Variants in ESYT3 observed in about 807,000 individuals in gnomAD.
ESYT3 encodes the protein extended synaptotagmin-3.
Under a neutral mutation model 111.5 loss-of-function variants are expected in ESYT3, and 101 were observed. The observed-to-expected ratio is 0.91, with a 90% confidence interval of 0.77 to 1.07. ESYT3 has a LOEUF of 1.07. ESYT3 is among the 50% of genes least tolerant of loss of function. The probability of loss-of-function intolerance (pLI) is 0.00; values close to 1 mark genes in which losing one functional copy is unlikely to be tolerated. For synonymous variants in ESYT3, 416 were observed against 446.8 expected (o/e 0.93, Z 0.87); for missense variants, 1,097 against 1,109.4 (o/e 0.99, Z 0.16).
intron 3 of ESYT3, among the ~76,000 whole-genome samples, chr3:138,457,093 C>T (rs991802706): frequency 4.6e-5 from 7 of 152,198 alleles, no homozygotes; most frequent in Non-Finnish European, 4.4e-5. Flanking sequence ...ACCTAGTGCG[C>T]TCACCACACC....
rs548280363 is a variant in ESYT3 at position 138,460,555 on chromosome 3, C to G, written c.739-56C>G. The G allele has an allele frequency of 2.0e-5, 31 of 1,580,858 alleles. No individual in the cohort carries two copies. The African/African-American group carries it at 3.0e-4, about 15-fold the overall frequency. ...GGTGTGAGGCTCTTGGCAGGGGGTT[C>G]TCAGCCCTGGGCTCCCAACCCTTTC... On this transcript the variant is annotated intron_variant, in intron 6 of 22. Coordinates refer to ENST00000389567, the MANE Select transcript of ESYT3 (RefSeq NM_031913.5).
rs1369225884 is a variant in ESYT3, at chr3:138,468,606, T to C, written c.1309-49T>C. ...AGTAGGCTTCTCCAAAATCAGTCTTTGTGTCCTGCTGCTGGGAGTACCCAG... is the reference window on the plus strand; with the variant it reads ...AGTAGGCTTCTCCAAAATCAGTCTTCGTGTCCTGCTGCTGGGAGTACCCAG... On this transcript the variant is annotated intron_variant, in intron 12 of 22. Coordinates refer to ENST00000389567, the MANE Select transcript of ESYT3 (RefSeq NM_031913.5). 2.5e-6 allele frequency: 4 copies of C among 1,596,412 alleles called. No homozygotes were observed. The East Asian group carries it at 6.7e-5, about 27-fold the overall frequency.
rs148413729 is a variant in ESYT3, at chr3:138,452,729, C to T, written c.369+640C>T. The stretch of plus-strand genomic sequence containing the variant: ...CTGATCTGCCCAGACCTGTCCCTAA[C>T]TGTGAGGGCTCCACGGCAGTCCCCA... On this transcript the variant is annotated intron_variant, in intron 2 of 22. Coordinates refer to ENST00000389567, the MANE Select transcript of ESYT3 (RefSeq NM_031913.5). 1.0e-3 allele frequency among the ~76,000 whole-genome samples: 152 copies of T among 152,300 alleles called. 1 individual carries two copies. Among genetic ancestry groups the T allele is most frequent in the African/African-American group, 3.3e-3 (136 of 41,572 alleles).
rs747832479 is a variant in ESYT3, at chr3:138,476,892, GTA to G, written c.*46_*47del. ...TTATCACTCACCTTTATATTAAAATGTATATATATGTATATATTTTTTCCTTT... is the reference window on the plus strand; with the variant it reads ...TTATCACTCACCTTTATATTAAAATGTATATATGTATATATTTTTTCCTTT... On this transcript the variant is annotated 3_prime_UTR_variant, in exon 23 of 23. Transcript: ENST00000389567. 4 of 1,494,652 alleles carry G rather than the reference GTA, an allele frequency of 2.7e-6. No homozygotes were observed. The highest frequency in any genetic ancestry group is 2.8e-5 in the African/African-American group (2 of 70,288). The allele number at this position is 1,494,652 out of a possible 1,614,324, so 92.6% of individuals were successfully genotyped here.
intron 8 of ESYT3, among the ~76,000 whole-genome samples, chr3:138,462,942 C>G (rs2032726088): frequency 6.6e-6 from 1 of 152,168 alleles, no homozygotes; most frequent in Non-Finnish European, 1.5e-5. Flanking sequence ...GGATTACAGG[C>G]ATGAGCCACC....
intron 3 of ESYT3, among the ~76,000 whole-genome samples, chr3:138,457,079 C>T (rs1299278509): frequency 2.6e-5 from 4 of 152,170 alleles, no homozygotes; most frequent in Non-Finnish European, 5.9e-5. Context: ...TGGGCTTGGC[C>T]AGGACCTAGT....
intron 17 of ESYT3, among the ~76,000 whole-genome samples, chr3:138,472,117 AC>A (rs2033249199): frequency 1.3e-5 from 2 of 152,160 alleles, no homozygotes; most frequent in South Asian, 4.1e-4. Flanking sequence ...TCTTTTTTTA[AC>A]AGAATTATCC....
Position 138,479,586 on chromosome 3 carries a change from T to C in ESYT3, c.*2732T>C, listed in dbSNP as rs980369813. On this transcript the variant is annotated 3_prime_UTR_variant, in exon 23 of 23. Coordinates refer to ENST00000389567, the MANE Select transcript of ESYT3 (RefSeq NM_031913.5). Reference sequence around the variant, plus strand: ...GAAGAAGGGGCTTTTCTTCTGATGTTTTCCATGGCTGCTAGCTAATTGGCA... The same window carrying C: ...GAAGAAGGGGCTTTTCTTCTGATGTCTTCCATGGCTGCTAGCTAATTGGCA... 6.6e-6 allele frequency: 1 copy of C among 151,038 alleles called. No individual in the cohort carries two copies. The highest frequency in any genetic ancestry group is 1.5e-5 in the Non-Finnish European group (1 of 67,884). 9.4% of individuals were successfully genotyped at this position (151,038 alleles called of 1,614,324 possible).
chr3:138,464,530 G>A lies in ESYT3; in HGVS notation c.1086+15G>A, dbSNP rs1576455280. 1.2e-6 allele frequency: 2 copies of A among 1,613,550 alleles called. No individual in the cohort carries two copies. Among genetic ancestry groups the A allele is most frequent in the East Asian group, 4.5e-5 (2 of 44,830 alleles). On this transcript the variant is annotated intron_variant, in intron 9 of 22. Transcript: ENST00000389567. The stretch of plus-strand genomic sequence containing the variant: ...AAGTGTTTGAGGTAAGGGTCTCCTT[G>A]GCTGCTTCTAGCCTTCACTCTGAGT...
At chr3:138,459,157 C>G in intron 4 of ESYT3, 30 bp from the exon 5 acceptor site, 1 of 1,483,200 alleles carries the variant, frequency 6.7e-7, no homozygotes, top group Non-Finnish European at 9.1e-7. Flanking sequence ...ACCCCTCCTC[C>G]CCACCTTCCT....
At chr3:138,466,573 G>C (rs910642291) in intron 10 of ESYT3, among the ~76,000 whole-genome samples, 4 of 152,206 alleles carry the variant, frequency 2.6e-5, no homozygotes, top group African/African-American at 4.8e-5. Flanking sequence ...GCTTAAGCAT[G>C]TTTCTTACAG....
chr3:138,465,620 C>T (rs1370423993), intron 10 of ESYT3, among the ~76,000 whole-genome samples, 199 bp downstream of exon 10: 1 of 152,198 alleles, frequency 6.6e-6, no homozygotes, highest in East Asian at 1.9e-4. Context: ...AGTGCCCAGC[C>T]CTGACCTAGG....
chr3:138,441,343 A>G (rs530040701), intron 1 of ESYT3, among the ~76,000 whole-genome samples: 3 of 152,328 alleles, frequency 2.0e-5, no homozygotes, highest in East Asian at 1.9e-4. Flanking sequence ...GAGAGGTCAC[A>G]TGGTGGATGA....
chr3:138,436,610 C>G (rs1252944248), intron 1 of ESYT3, among the ~76,000 whole-genome samples: 1 of 152,176 alleles, frequency 6.6e-6, no homozygotes, highest in African/African-American at 2.4e-5. Context: ...CACTTTTCTA[C>G]GGTAGTAGCC....
chr3:138,468,258 G>A, intron 12 of ESYT3, 64 bp downstream of exon 12: 1 of 1,470,124 alleles, frequency 6.8e-7, no homozygotes, highest in South Asian at 1.1e-5. Context: ...CCAGGTGTGT[G>A]CAGGTGGAGG....
intron 1 of ESYT3, among the ~76,000 whole-genome samples, 192 bp from the exon 2 acceptor site, chr3:138,451,855 AC>A (rs1288609678): frequency 6.8e-6 from 1 of 147,582 alleles, no homozygotes; most frequent in Admixed American, 6.6e-5. Flanking sequence ...TGAGGGCAGG[AC>A]CAGTTCCGAG....
At chr3:138,458,004 T>G (rs1008747691) in intron 4 of ESYT3, among the ~76,000 whole-genome samples, 1 of 152,036 alleles carries the variant, frequency 6.6e-6, no homozygotes, top group Non-Finnish European at 1.5e-5. Context: ...CTGCGGCACC[T>G]CAGGAAAATA....
rs1006903139 is a variant in ESYT3 at position 138,478,678 on chromosome 3, G to A, written c.*1824G>A. 1 of 152,124 alleles carries A rather than the reference G, an allele frequency of 6.6e-6. No homozygotes were observed. The highest frequency in any genetic ancestry group is 2.4e-5 in the African/African-American group (1 of 41,422). The allele number at this position is 152,124 out of a possible 1,614,324, so 9.4% of individuals were successfully genotyped here. A position where few individuals can be genotyped will look rare whatever the true frequency, so the allele number is the denominator to read the frequency against. On this transcript the variant is annotated 3_prime_UTR_variant, in exon 23 of 23. Coordinates refer to ENST00000389567, the MANE Select transcript of ESYT3 (RefSeq NM_031913.5). ...ACAGGTAAATACCTGGTGATGGTCTGAAGAGGAGTTAAAATGTTGAAGGGA... is the reference window on the plus strand; with the variant it reads ...ACAGGTAAATACCTGGTGATGGTCTAAAGAGGAGTTAAAATGTTGAAGGGA...
At chr3:138,462,594 G>C (rs373801338) in intron 8 of ESYT3, 4 of 320,630 alleles carry the variant, frequency 1.2e-5, no homozygotes, top group Admixed American at 4.4e-5. Flanking sequence ...ACATTTTAAG[G>C]AGTCTGGCTT....
Sources: gnomAD v4.1 joint callset for allele counts (sites outside exome capture counted in the v4.1 genomes callset) on GRCh38, gnomAD v4.1.1 for gene constraint, MANE v1.5 for transcripts, NCBI Gene and HGNC (gene_info 2026-07-23, HGNC 2026-07-21) for gene names.